The following PIN4 variants were observed in gnomAD, a reference collection of about 807,000 sequenced individuals.
PIN4 encodes the protein peptidylprolyl cis/trans isomerase, NIMA-interacting 4, also known as peptidyl-prolyl cis-trans isomerase NIMA-interacting 4.
Under a neutral mutation model 8.3 loss-of-function variants are expected in PIN4, and 3 were observed. The observed-to-expected ratio is 0.36, with a 90% CI of 0.16 to 0.93. The LOEUF is 0.93. Ranked by LOEUF, PIN4 falls within the 40% of genes least tolerant of loss-of-function variation. The pLI is 0.44. For missense variants in PIN4, 75 were observed against 100.6 expected, an observed-to-expected ratio of 0.75 and a Z score of 1.09; for synonymous variants, 18 against 32.5, an observed-to-expected ratio of 0.55 and a Z score of 1.52.
At chrX:72,190,100 C>T (rs940837149) in intron 2 of PIN4, among the ~76,000 whole-genome samples, 4 of 111,050 alleles carry the variant, frequency 3.6e-5, no homozygotes, top group Non-Finnish European at 5.7e-5. Context: ...CCCAAGCCCT[C>T]AAGCCCACCC....
chrX:72,192,769 A>G (rs1289163806), intron 2 of PIN4, among the ~76,000 whole-genome samples: 1 of 109,273 alleles, frequency 9.2e-6, no homozygotes, highest in Admixed American at 9.8e-5. Context: ...AATTTTTTTT[A>G]AAGTTTTTGT....
chrX:72,207,669 A>G (rs2042828281), intron 3 of PIN4: 1 of 1,210,199 alleles, frequency 8.3e-7, no homozygotes, highest in East Asian at 3.0e-5. Context: ...AAATAATTAA[A>G]TCATTTTTCC....
At chrX:72,188,161 C>A (rs1299299523) in intron 2 of PIN4, among the ~76,000 whole-genome samples, 2 of 112,081 alleles carry the variant, frequency 1.8e-5, no homozygotes, top group Non-Finnish European at 3.8e-5. Context: ...AACCCAGTTA[C>A]TTCATGTTAC....
chrX:72,202,926 TGG>T (rs2042795938), downstream of PIN4, among the ~76,000 whole-genome samples: 1 of 111,909 alleles, frequency 8.9e-6, no homozygotes, highest in South Asian at 3.7e-4. Flanking sequence ...AAATCTCAAC[TGG>T]TGTCTTTTGT....
chrX:72,251,148 G>A (rs1453730509), intron 3 of PIN4, among the ~76,000 whole-genome samples: 6 of 104,754 alleles, frequency 5.7e-5, no homozygotes, highest in Non-Finnish European at 9.8e-5. Context: ...ACAAGGTCAG[G>A]AGATCGAGAC....
intron 3 of PIN4, chrX:72,238,755 GTTC>G: frequency 3.3e-6 from 3 of 896,877 alleles, no homozygotes; most frequent in Non-Finnish European, 4.7e-6. Flanking sequence ...CGCCTCAACA[GTTC>G]GGGTCCCCAG....
chrX:72,238,786 C>T (rs978350988), intron 3 of PIN4: 1 of 1,099,017 alleles, frequency 9.1e-7, no homozygotes, highest in African/African-American at 1.8e-5. Context: ...CGGGGGCCAC[C>T]CCACCTCCAC....
intron 3 of PIN4, among the ~76,000 whole-genome samples, chrX:72,224,500 A>C (rs2042943326): frequency 8.9e-6 from 1 of 111,865 alleles, no homozygotes; most frequent in Non-Finnish European, 1.9e-5. Flanking sequence ...TAATCACAGC[A>C]CTTTGGGAGG....
intron 1 of PIN4, among the ~76,000 whole-genome samples, chrX:72,184,025 A>G (rs1327829776): frequency 8.9e-6 from 1 of 112,557 alleles, no homozygotes; most frequent in African/African-American, 3.2e-5. Context: ...ATCAAAGGCC[A>G]TGAATTTGTA....
chrX:72,222,104 A>T (rs1223116191), intron 3 of PIN4, among the ~76,000 whole-genome samples: 1 of 109,117 alleles, frequency 9.2e-6, no homozygotes, highest in Admixed American at 9.9e-5. Context: ...TTCAAAAGCC[A>T]CCAGTCAAAC....
At chrX:72,187,257 G>T (rs1452059042) in intron 2 of PIN4, among the ~76,000 whole-genome samples, 1 of 112,162 alleles carries the variant, frequency 8.9e-6, no homozygotes, top group Non-Finnish European at 1.9e-5. Context: ...CATGAAAATG[G>T]GGGCAGGAGA....
chrX:72,229,924 G>A (rs778281020), intron 3 of PIN4, among the ~76,000 whole-genome samples: 5 of 111,812 alleles, frequency 4.5e-5, no homozygotes, highest in African/African-American at 6.5e-5. Context: ...CAGGCACGGT[G>A]GCTCACGCCT....
intron 3 of PIN4, among the ~76,000 whole-genome samples, chrX:72,226,757 C>G (rs1020642799): frequency 1.8e-5 from 2 of 111,469 alleles, no homozygotes; most frequent in African/African-American, 6.5e-5. Context: ...TCCTTTTATC[C>G]AGAACACCAA....
chrX:72,254,427 G>A (rs2043100896), intron 3 of PIN4, among the ~76,000 whole-genome samples: 1 of 112,132 alleles, frequency 8.9e-6, no homozygotes, highest in African/African-American at 3.2e-5. Flanking sequence ...CGATTTAAAA[G>A]TATCTGTTTC....
chrX:72,203,609 A>G (rs1457216164), intron 3 of PIN4, among the ~76,000 whole-genome samples: 2 of 111,972 alleles, frequency 1.8e-5, no homozygotes, highest in Non-Finnish European at 3.8e-5. Context: ...TTGGTGTCAG[A>G]AGTGTTTTGA....
intron 3 of PIN4, among the ~76,000 whole-genome samples, chrX:72,221,331 C>T (rs1184390110): frequency 8.9e-6 from 1 of 111,958 alleles, no homozygotes; most frequent in African/African-American, 3.3e-5. Flanking sequence ...GTTAGGTCTG[C>T]CATCCCGGTC....
chrX:72,215,063 AACT>A (rs2042880605), intron 3 of PIN4, among the ~76,000 whole-genome samples: 1 of 112,314 alleles, frequency 8.9e-6, no homozygotes, highest in Admixed American at 9.5e-5. Flanking sequence ...GAAAAGAACA[AACT>A]ACTACATGTA....
chrX:72,226,545 T>C (rs1213693741), intron 3 of PIN4, among the ~76,000 whole-genome samples: 1 of 112,264 alleles, frequency 8.9e-6, no homozygotes, highest in Non-Finnish European at 1.9e-5. Flanking sequence ...GCTAAGGGAT[T>C]TCCTATCATT....
At position 72,197,657 on chromosome X, in the gene PIN4, T is replaced by C. The variant is rs187578610; in HGVS notation, c.*131T>C. 1 of 1,066,956 alleles carries C rather than the reference T, an allele frequency of 9.4e-7. No homozygotes were observed. The highest frequency in any genetic ancestry group is 1.9e-5 in the African/African-American group (1 of 52,826). The allele number at this position is 1,066,956 out of a possible 1,213,427, so 87.9% of individuals were successfully genotyped here. Reference sequence around the variant, plus strand: ...AAAAGATATTGGATGCTCCTTGTATTCTGTGAAAGCTCTAAGTATGGGTTT... The same window carrying C: ...AAAAGATATTGGATGCTCCTTGTATCCTGTGAAAGCTCTAAGTATGGGTTT... On this transcript the variant is annotated 3_prime_UTR_variant, in exon 4 of 4. Coordinates refer to ENST00000373669, the MANE Select transcript of PIN4 (RefSeq NM_006223.4).
Sources: allele counts gnomAD v4.1 joint callset (sites outside exome capture counted in the v4.1 genomes callset), GRCh38; gene constraint gnomAD v4.1.1; transcripts MANE v1.5; gene names NCBI Gene and HGNC (gene_info 2026-07-23, HGNC 2026-07-21).